The following ABAT variants were observed in gnomAD, a reference collection of about 807,000 sequenced individuals.
ABAT encodes the protein 4-aminobutyrate aminotransferase, mitochondrial.
In ABAT, 45 loss-of-function variants were observed where a neutral mutation model predicts 64.6. The observed-to-expected ratio is 0.70, with a 90% CI of 0.55 to 0.89. The LOEUF is 0.89. Among genes scored for constraint, ABAT ranks in the 40% least tolerant of loss-of-function variants. The pLI, the probability that ABAT is intolerant of heterozygous loss-of-function variation, is 0.00. For missense variants in ABAT, 633 were observed against 658.4 expected, an observed-to-expected ratio of 0.96 and a Z score of 0.42; for synonymous variants, 297 against 250.5, an observed-to-expected ratio of 1.19 and a Z score of -1.75.
chr16:8,757,063 G>T, intron 5 of ABAT: 1 of 428,742 alleles, frequency 2.3e-6, no homozygotes, highest in Non-Finnish European at 4.6e-6. Context: ...GCCCATGGGC[G>T]CTGGGAAGGA....
intron 5 of ABAT, among the ~76,000 whole-genome samples, chr16:8,753,722 T>C (rs142045512): frequency 1.2e-4 from 19 of 152,256 alleles, no homozygotes; most frequent in African/African-American, 2.4e-4. Context: ...GGTGTACTTT[T>C]CAGTCTTGGG....
intron 5 of ABAT, among the ~76,000 whole-genome samples, chr16:8,756,572 T>C (rs2059654932): frequency 6.6e-6 from 1 of 152,216 alleles, no homozygotes; most frequent in South Asian, 2.1e-4. Flanking sequence ...TCTCAATTCC[T>C]CTCTCAGAAG....
chr16:8,738,351 A>T (rs2059044416), intron 2 of ABAT: 1 of 452,542 alleles, frequency 2.2e-6, no homozygotes, highest in African/African-American at 2.0e-5. Flanking sequence ...AAAGACACTA[A>T]GAAACTGACC....
chr16:8,695,225 T>A (rs1389660315), intron 1 of ABAT, among the ~76,000 whole-genome samples: 1 of 152,124 alleles, frequency 6.6e-6, no homozygotes, highest in East Asian at 1.9e-4. Flanking sequence ...AAGTGCTGAG[T>A]CTACAAGACA....
chr16:8,722,847 G>C (rs938145071), intron 1 of ABAT: 1 of 1,289,146 alleles, frequency 7.8e-7, no homozygotes, highest in African/African-American at 1.5e-5. Flanking sequence ...TTCGAGGTAG[G>C]AGCAAGGCTT....
At chr16:8,726,307 C>G (rs2058553604) in intron 1 of ABAT, among the ~76,000 whole-genome samples, 1 of 142,782 alleles carries the variant, frequency 7.0e-6, no homozygotes, top group Admixed American at 7.4e-5. Context: ...GTTGCCCAGG[C>G]TGGAGTGCAG....
intron 6 of ABAT, among the ~76,000 whole-genome samples, chr16:8,761,214 CT>C (rs1555491408): frequency 7.0e-6 from 1 of 141,878 alleles, no homozygotes; most frequent in Non-Finnish European, 1.6e-5. Flanking sequence ...TCACCTCTCT[CT>C]GCCCTCTCAC....
Position 8,733,633 on chromosome 16 carries a change from C to T in ABAT, c.-41-2066C>T, listed in dbSNP as rs977896790. ...TCACTTGCGGTTAGGGGCTGGAGACCGGCCTGGCCAACACAGCGAAACCCC... is the reference window on the plus strand; with the variant it reads ...TCACTTGCGGTTAGGGGCTGGAGACTGGCCTGGCCAACACAGCGAAACCCC... On this transcript the variant is annotated intron_variant, in intron 1 of 15. Transcript: ENST00000268251. 2.4e-4 allele frequency among the ~76,000 whole-genome samples: 37 copies of T among 152,008 alleles called. 2 individuals are homozygous for T. The highest frequency in any genetic ancestry group is 8.5e-4 in the African/African-American group (35 of 41,240).
intron 1 of ABAT, among the ~76,000 whole-genome samples, chr16:8,730,747 T>G (rs935921193): frequency 2.6e-5 from 4 of 152,094 alleles, no homozygotes. Flanking sequence ...CCAGGGTCTG[T>G]CACAGAGTAA....
intron 2 of ABAT, chr16:8,738,467 C>T: frequency 2.2e-6 from 1 of 455,916 alleles, no homozygotes; most frequent in Non-Finnish European, 4.4e-6. Context: ...ACACACATTG[C>T]ATTGATTTGT....
intron 1 of ABAT, among the ~76,000 whole-genome samples, chr16:8,706,533 G>A (rs572531431): frequency 7.2e-5 from 11 of 151,984 alleles, no homozygotes; most frequent in Non-Finnish European, 1.2e-4. Context: ...GGCCAACATG[G>A]TGAAACCCCA....
chr16:8,708,221 C>G (rs1417165966), intron 1 of ABAT, among the ~76,000 whole-genome samples: 1 of 152,116 alleles, frequency 6.6e-6, no homozygotes, highest in Non-Finnish European at 1.5e-5. Flanking sequence ...GAAGGTCTCA[C>G]GCTGGTAAGA....
intron 14 of ABAT, among the ~76,000 whole-genome samples, chr16:8,777,433 C>T (rs1448893382): frequency 6.6e-6 from 1 of 152,184 alleles, no homozygotes; most frequent in Non-Finnish European, 1.5e-5. Flanking sequence ...ATCTCAATTC[C>T]AGGCAATAGG....
intron 2 of ABAT, among the ~76,000 whole-genome samples, chr16:8,744,470 C>T (rs1009440033): frequency 2.0e-5 from 3 of 151,754 alleles, no homozygotes; most frequent in African/African-American, 4.8e-5. Context: ...TGGGTTCAAG[C>T]GATTCTCATG....
At position 8,764,843 on chromosome 16, in the gene ABAT, GCA is replaced by G. The variant is rs35745596; in HGVS notation, c.540+34_540+35del. On this transcript the variant is annotated intron_variant, in intron 8 of 15. Transcript: ENST00000268251. This position sits in a 1 kb window ranked among gnomAD's most constrained non-coding sequence, Gnocchi z 4.2. The stretch of plus-strand genomic sequence containing the variant: ...CATGTGGTACCGGGTGAGGTTTGGG[GCA>G]CACACACACACACACACACAGGCTC... 94,464 of 1,216,098 alleles carry G rather than the reference GCA, an allele frequency of 0.078. 25 individuals are homozygous for G. Among genetic ancestry groups the G allele is most frequent in the East Asian group, 0.11 (3,305 of 29,470 alleles). 75.3% of individuals were successfully genotyped at this position (1,216,098 alleles called of 1,614,324 possible).
intron 1 of ABAT, among the ~76,000 whole-genome samples, chr16:8,707,353 A>ATTTTTTTTTTTTTTTTT (rs386384172): frequency 0.013 from 1,622 of 123,736 alleles, 41 homozygotes; most frequent in Non-Finnish European, 0.018. Flanking sequence ...TGCCAGGGTA[A>ATTTTTTTTTTTTTTTTT]TTTTTTTTTT....
chr16:8,757,891 TTTCA>T (rs2059692113), intron 6 of ABAT, 85 bp downstream of exon 6: 13 of 1,398,380 alleles, frequency 9.3e-6, no homozygotes, highest in African/African-American at 1.4e-5. Context: ...GCAATAGTCC[TTTCA>T]TTCATTCATT....
At chr16:8,719,892 A>T (rs1042476014) in intron 1 of ABAT, among the ~76,000 whole-genome samples, 2 of 152,224 alleles carry the variant, frequency 1.3e-5, no homozygotes, top group Non-Finnish European at 2.9e-5. Flanking sequence ...ACTCACTGCA[A>T]CATTCGGTTC....
At chr16:8,682,800 G>T (rs886555587) in intron 1 of ABAT, among the ~76,000 whole-genome samples, 6 of 152,124 alleles carry the variant, frequency 3.9e-5, no homozygotes, top group African/African-American at 1.4e-4. Context: ...GTGGTCCAGC[G>T]GCCAGCAGCA....
Sources: allele counts gnomAD v4.1 joint callset (sites outside exome capture counted in the v4.1 genomes callset), GRCh38; gene constraint gnomAD v4.1.1; non-coding constraint Gnocchi (gnomAD v3.1); transcripts MANE v1.5; gene names NCBI Gene and HGNC (gene_info 2026-07-23, HGNC 2026-07-21).